The following DNAJC13 variants were observed in gnomAD, a reference collection of about 807,000 sequenced individuals.
The protein encoded by DNAJC13 is dnaJ homolog subfamily C member 13.
DNAJC13 carries 75 observed loss-of-function variants against 290.5 expected under a neutral mutation model. The ratio of observed to expected loss-of-function variants is 0.26; its 90% CI spans 0.21 to 0.31. The LOEUF is 0.31. Ranked by LOEUF, DNAJC13 falls within the 10% of genes least tolerant of loss-of-function variation. The probability of loss-of-function intolerance (pLI) is 1.00; values close to 1 mark genes in which losing one functional copy is unlikely to be tolerated. For missense variants in DNAJC13, 2,260 were observed against 2,674.5 expected (o/e 0.85, Z 3.42); for synonymous variants, 862 against 892.0 (o/e 0.97, Z 0.60).
At chr3:132,503,011 C>G (rs146008151) in intron 40 of DNAJC13, among the ~76,000 whole-genome samples, 1 of 152,146 alleles carries the variant, frequency 6.6e-6, no homozygotes, top group African/African-American at 2.4e-5. Flanking sequence ...CATAGATTCT[C>G]CTGGTCCTTC....
chr3:132,453,238 A>G, intron 6 of DNAJC13, 60 bp from the exon 7 acceptor site: 1 of 1,483,882 alleles, frequency 6.7e-7, no homozygotes, highest in Non-Finnish European at 9.2e-7. Flanking sequence ...TGAGTTGATT[A>G]GCTACAGACA....
At chr3:132,505,204 C>G in intron 41 of DNAJC13, 98 bp from the exon 42 acceptor site, 1 of 713,788 alleles carries the variant, frequency 1.4e-6, no homozygotes, top group Non-Finnish European at 2.4e-6. Context: ...CTATAGGCAA[C>G]TATTATAGTG....
intron 45 of DNAJC13, 100 bp from the exon 46 acceptor site, chr3:132,514,471 C>T (rs1935864093): frequency 8.7e-6 from 6 of 687,512 alleles, no homozygotes; most frequent in Admixed American, 3.4e-5. Context: ...ATGTTTCATC[C>T]CCCAAACATT....
At chr3:132,503,068 C>A in intron 40 of DNAJC13, 146 bp from the exon 41 acceptor site, 1 of 757,068 alleles carries the variant, frequency 1.3e-6, no homozygotes, top group South Asian at 2.2e-5. Flanking sequence ...CTGATGTTTA[C>A]CTCAGTGGTA....
rs996098789 is a variant in DNAJC13, at chr3:132,527,635, C to A, written c.6382-554C>A. 2.0e-5 allele frequency among the ~76,000 whole-genome samples: 3 copies of A among 152,020 alleles called. No homozygotes were observed. In the East Asian group the frequency reaches 5.8e-4, roughly 29 times the overall value. On this transcript the variant is annotated intron_variant, in intron 53 of 55. Transcript: ENST00000260818. ...TCACAAGGTTGTTATGAGAACAGTA[C>A]CTGAAAAAAGAGGTGCATTCACTAA...
chr3:132,468,436 A>G (rs573329906), intron 20 of DNAJC13, among the ~76,000 whole-genome samples: 11 of 152,328 alleles, frequency 7.2e-5, no homozygotes, highest in African/African-American at 2.4e-4. Context: ...ATTGGGATCA[A>G]TGTTCAATTC....
At chr3:132,452,693 A>C (rs1160760847) in intron 6 of DNAJC13, among the ~76,000 whole-genome samples, 1 of 152,200 alleles carries the variant, frequency 6.6e-6, no homozygotes, top group African/African-American at 2.4e-5. Context: ...GGGATGCTCA[A>C]CTGGTAAGTG....
intron 31 of DNAJC13, among the ~76,000 whole-genome samples, chr3:132,490,060 T>C (rs897974620): frequency 6.6e-6 from 1 of 152,198 alleles, no homozygotes; most frequent in South Asian, 2.1e-4. Context: ...AATAATAGTA[T>C]TGAAGAATAC....
chr3:132,456,321 G>A lies in DNAJC13; in HGVS notation c.1019G>A (p.Gly340Asp), dbSNP rs1478213349. The A allele has an allele frequency of 6.2e-7, 1 of 1,613,958 alleles. No homozygotes were observed. Among genetic ancestry groups the A allele is most frequent in the East Asian group, 2.2e-5 (1 of 44,876 alleles). Reference protein sequence around the residue: ...VCVKMTPTHKGQRWGLLSMPV... With the variant: ...VCVKMTPTHKDQRWGLLSMPV... ...GTAAAAATGACACCAACCCATAAAG[G>A]TCAGCGATGGGGGTTACTCAGCATG... The change falls in exon 10 of 56, where the codon GGT (glycine) becomes GAT (aspartate). Residue 340 changes from glycine (G) to aspartate (D), a missense_variant. Transcript: ENST00000260818.
intron 9 of DNAJC13, 84 bp from the exon 10 acceptor site, chr3:132,456,151 C>A: frequency 7.8e-7 from 1 of 1,278,410 alleles, no homozygotes; most frequent in Non-Finnish European, 1.1e-6. Context: ...AGATTACCTG[C>A]TAAAGGGCCT....
chr3:132,462,067 A>T (rs1295244927), intron 15 of DNAJC13, among the ~76,000 whole-genome samples: 1 of 152,210 alleles, frequency 6.6e-6, no homozygotes, highest in Non-Finnish European at 1.5e-5. Context: ...TTCCCAAATG[A>T]TAAAATGAGC....
intron 43 of DNAJC13, 77 bp from the exon 44 acceptor site, chr3:132,510,990 C>A: frequency 6.7e-7 from 1 of 1,495,692 alleles, no homozygotes; most frequent in Non-Finnish European, 9.1e-7. Flanking sequence ...ACTTTCATAG[C>A]TTAAAGTTCT....
chr3:132,498,741 A>C (rs922021720), intron 36 of DNAJC13, among the ~76,000 whole-genome samples: 1 of 151,408 alleles, frequency 6.6e-6, no homozygotes, highest in African/African-American at 2.4e-5. Flanking sequence ...TTTGAGACGG[A>C]GGCTTGCCCT....
intron 1 of DNAJC13, 140 bp from the exon 2 acceptor site, chr3:132,434,398 A>C (rs912127508): frequency 8.0e-6 from 4 of 499,560 alleles, no homozygotes; most frequent in Admixed American, 7.0e-5. Flanking sequence ...AAAAAAAAAA[A>C]CAAAACCTTA....
intron 14 of DNAJC13, among the ~76,000 whole-genome samples, chr3:132,460,751 A>G (rs1486974948): frequency 6.6e-6 from 1 of 152,192 alleles, no homozygotes; most frequent in Non-Finnish European, 1.5e-5. Flanking sequence ...TTTTGCAAAT[A>G]TTGTCAAATA....
intron 55 of DNAJC13, among the ~76,000 whole-genome samples, chr3:132,535,788 G>T (rs1432641668): frequency 5.3e-5 from 8 of 152,138 alleles, no homozygotes; most frequent in Non-Finnish European, 1.2e-4. Flanking sequence ...GGCAGCCCCT[G>T]CTCTTCCCAT....
chr3:132,471,567 G>T (rs1187026747), intron 20 of DNAJC13, among the ~76,000 whole-genome samples: 1 of 138,282 alleles, frequency 7.2e-6, no homozygotes, highest in African/African-American at 2.7e-5. Context: ...CCTCCCAGAT[G>T]GGGTCTCGGC....
intron 31 of DNAJC13, among the ~76,000 whole-genome samples, chr3:132,490,365 A>T (rs1338081568): frequency 6.6e-6 from 1 of 152,184 alleles, no homozygotes; most frequent in Admixed American, 6.5e-5. Context: ...TCCTAACTCC[A>T]TTTGGCCTGC....
At chr3:132,470,589 G>T (rs1407238720) in intron 20 of DNAJC13, among the ~76,000 whole-genome samples, 1 of 132,156 alleles carries the variant, frequency 7.6e-6, no homozygotes, top group African/African-American at 2.9e-5. Context: ...CTCACCTCCC[G>T]GACGGGGCGG....
Sources: allele counts gnomAD v4.1 joint callset (sites outside exome capture counted in the v4.1 genomes callset), GRCh38; gene constraint gnomAD v4.1.1; transcripts MANE v1.5; gene names NCBI Gene and HGNC (gene_info 2026-07-23, HGNC 2026-07-21).